RAB3C: variants seen among roughly 807,000 people sequenced by gnomAD.
RAB3C encodes the protein RAB3C, member RAS oncogene family.
A neutral mutation model predicts 26.4 loss-of-function variants in RAB3C; 17 were observed. The observed-to-expected ratio is 0.64, with a 90% CI of 0.44 to 0.97. The LOEUF is 0.97. Ranked by LOEUF, RAB3C falls within the 50% of genes least tolerant of loss-of-function variation. RAB3C has a pLI of 0.00. For synonymous variants in RAB3C, 91 were observed against 95.9 expected (o/e 0.95, Z 0.30); for missense variants, 242 against 281.9 (o/e 0.86, Z 1.01).
chr5:58,801,220 G>A (rs1302496601), intron 3 of RAB3C, among the ~76,000 whole-genome samples: 1 of 152,290 alleles, frequency 6.6e-6, no homozygotes, highest in East Asian at 1.9e-4. Flanking sequence ...AAGCAGAAAG[G>A]CTAGGACCAG....
At chr5:58,802,022 G>A (rs976438424) in intron 3 of RAB3C, among the ~76,000 whole-genome samples, 1 of 152,172 alleles carries the variant, frequency 6.6e-6, no homozygotes, top group Admixed American at 6.5e-5. Flanking sequence ...GACATACATT[G>A]TTCTTACTGA....
intron 2 of RAB3C, among the ~76,000 whole-genome samples, chr5:58,676,179 A>G (rs926343743): frequency 2.9e-4 from 44 of 152,142 alleles, no homozygotes; most frequent in African/African-American, 9.9e-4. Flanking sequence ...ATTCTGTAAC[A>G]TTCAGACAAC....
chr5:58,808,554 T>C (rs1423098765), intron 3 of RAB3C, among the ~76,000 whole-genome samples: 1 of 152,234 alleles, frequency 6.6e-6, no homozygotes, highest in Non-Finnish European at 1.5e-5. Context: ...GTAGCTAAAT[T>C]AAGTGGCCCA....
intron 3 of RAB3C, among the ~76,000 whole-genome samples, chr5:58,780,845 C>G (rs1288614891): frequency 2.6e-5 from 4 of 151,880 alleles, no homozygotes; most frequent in African/African-American, 9.7e-5. Flanking sequence ...AATGATGGGG[C>G]TAATAAAAAA....
chr5:58,715,050 G>GA (rs1035318761), intron 2 of RAB3C, among the ~76,000 whole-genome samples: 23 of 152,072 alleles, frequency 1.5e-4, no homozygotes, highest in African/African-American at 5.5e-4. Context: ...TTATAAATGA[G>GA]AAAATCAAAG....
At chr5:58,762,086 T>C (rs1273119580) in intron 3 of RAB3C, among the ~76,000 whole-genome samples, 1 of 152,016 alleles carries the variant, frequency 6.6e-6, no homozygotes, top group Non-Finnish European at 1.5e-5. Flanking sequence ...AAATTAAATG[T>C]ATTTTATTTA....
intron 3 of RAB3C, among the ~76,000 whole-genome samples, chr5:58,750,080 A>G (rs1741490594): frequency 6.6e-6 from 1 of 152,092 alleles, no homozygotes; most frequent in South Asian, 2.1e-4. Flanking sequence ...TGTTTTCATC[A>G]TTCTAGTCTT....
chr5:58,672,933 A>G (rs1748149679), intron 2 of RAB3C, among the ~76,000 whole-genome samples: 1 of 152,066 alleles, frequency 6.6e-6, no homozygotes, highest in African/African-American at 2.4e-5. Context: ...GTTAAAGTCT[A>G]CCCCATTTCA....
At chr5:58,707,468 A>G (rs1319721564) in intron 2 of RAB3C, among the ~76,000 whole-genome samples, 25 of 152,130 alleles carry the variant, frequency 1.6e-4, no homozygotes, top group Non-Finnish European at 4.4e-5. Flanking sequence ...AGCTCATTTG[A>G]TTTTCATAGC....
In RAB3C at chr5:58,683,872, C is replaced by T. The variant is rs191043354; in HGVS notation, c.253-42130C>T. Among the ~76,000 whole-genome samples the T allele has an allele frequency of 5.3e-5, 8 of 152,318 alleles. No individual in the cohort carries two copies. In the East Asian group the frequency reaches 1.5e-3, roughly 29 times the overall value. ...TTGCATTTGAGTAACTCTTACTTAACTTAATAATCTAATGGTACCAAAGCA... is the reference window on the plus strand; with the variant it reads ...TTGCATTTGAGTAACTCTTACTTAATTTAATAATCTAATGGTACCAAAGCA... On this transcript the variant is annotated intron_variant, in intron 2 of 4. Transcript: ENST00000282878.
At chr5:58,676,367 G>A (rs1187213164) in intron 2 of RAB3C, among the ~76,000 whole-genome samples, 2 of 152,064 alleles carry the variant, frequency 1.3e-5, no homozygotes, top group African/African-American at 4.8e-5. Flanking sequence ...GCCAGGTGTG[G>A]TGGCAGGCGC....
chr5:58,617,096 T>C (rs1180340910), intron 1 of RAB3C, among the ~76,000 whole-genome samples: 1 of 152,206 alleles, frequency 6.6e-6, no homozygotes, highest in East Asian at 1.9e-4. Flanking sequence ...GAACTATATA[T>C]ATTTGCCATC....
intron 2 of RAB3C, among the ~76,000 whole-genome samples, chr5:58,644,209 AT>A (rs1747471344): frequency 8.2e-6 from 1 of 121,254 alleles, no homozygotes; most frequent in South Asian, 2.9e-4. Context: ...TCTATTAATT[AT>A]TTTGTGAGAA....
At chr5:58,597,534 A>G (rs1411972712) in intron 1 of RAB3C, among the ~76,000 whole-genome samples, 6 of 111,270 alleles carry the variant, frequency 5.4e-5, no homozygotes, top group African/African-American at 2.0e-4. Flanking sequence ...TTCATTATAT[A>G]TAAGCATATA....
chr5:58,814,353 C>T (rs1008466342), intron 3 of RAB3C, among the ~76,000 whole-genome samples: 1 of 152,122 alleles, frequency 6.6e-6, no homozygotes, highest in East Asian at 1.9e-4. Context: ...GGTGTTCAGG[C>T]TTTGGCTGAA....
chr5:58,843,120 G>A (rs145839044), intron 4 of RAB3C, among the ~76,000 whole-genome samples: 41 of 152,238 alleles, frequency 2.7e-4, no homozygotes, highest in African/African-American at 9.6e-4. Context: ...CTGGTTACAG[G>A]ATTAGAAAAT....
intron 3 of RAB3C, among the ~76,000 whole-genome samples, chr5:58,807,986 G>A (rs1742981422): frequency 6.6e-6 from 1 of 152,086 alleles, no homozygotes; most frequent in Non-Finnish European, 1.5e-5. Context: ...AGTGCTTTGG[G>A]AGGCCAAGGC....
rs187170258 is a variant in RAB3C, at chr5:58,612,199, T to G, written c.25-5444T>G. Among the ~76,000 whole-genome samples, 21 of 152,250 alleles carry G rather than the reference T, an allele frequency of 1.4e-4. 1 individual carries two copies. The East Asian group carries it at 2.7e-3, about 20-fold the overall frequency. ...CAGCTTTGTTCTTTTTGCTTAAGATTGCCTTGGCTATTCATGCTCTTTTTT... is the reference window on the plus strand; with the variant it reads ...CAGCTTTGTTCTTTTTGCTTAAGATGGCCTTGGCTATTCATGCTCTTTTTT... On this transcript the variant is annotated intron_variant, in intron 1 of 4. Transcript: ENST00000282878.
chr5:58,775,286 A>ATGT (rs1742105028), intron 3 of RAB3C, among the ~76,000 whole-genome samples: 1 of 152,080 alleles, frequency 6.6e-6, no homozygotes, highest in Non-Finnish European at 1.5e-5. Flanking sequence ...TAAGTACCAA[A>ATGT]TGTCAAACCC....
Sources: gnomAD v4.1 joint callset for allele counts (sites outside exome capture counted in the v4.1 genomes callset) on GRCh38, gnomAD v4.1.1 for gene constraint, MANE v1.5 for transcripts, NCBI Gene and HGNC (gene_info 2026-07-23, HGNC 2026-07-21) for gene names.